Variants in HIPK1 observed in about 807,000 individuals in gnomAD.
The protein encoded by HIPK1 is homeodomain-interacting protein kinase 1.
In HIPK1, 28 loss-of-function variants were observed where a neutral mutation model predicts 117.1. That is an observed-to-expected ratio of 0.24 (90% CI 0.18 to 0.33). The LOEUF (loss-of-function observed/expected upper bound fraction) is 0.33. Among genes scored for constraint, HIPK1 ranks in the 10% least tolerant of loss-of-function variants. HIPK1 has a pLI of 1.00. For missense variants in HIPK1, 1,122 were observed against 1,475.1 expected (o/e 0.76, Z 3.92); for synonymous variants, 605 against 562.5 (o/e 1.08, Z -1.07).
chr1:113,947,894 T>A (rs1048532056), intron 2 of HIPK1, among the ~76,000 whole-genome samples: 1 of 152,190 alleles, frequency 6.6e-6, no homozygotes, highest in Non-Finnish European at 1.5e-5. Context: ...CTTCTGTAGA[T>A]AACCTTTTTT....
chr1:113,938,925 A>T (rs1425515968), intron 1 of HIPK1, among the ~76,000 whole-genome samples: 2 of 25,976 alleles, frequency 7.7e-5, no homozygotes, highest in African/African-American at 3.2e-4. Context: ...AAAAAAAAAA[A>T]AAATACACAC....
chr1:113,967,124 A>G (rs2101465282), intron 11 of HIPK1, among the ~76,000 whole-genome samples: 1 of 152,272 alleles, frequency 6.6e-6, no homozygotes, highest in African/African-American at 2.4e-5. Context: ...TTCTTTATCC[A>G]TTCATCTGTT....
In HIPK1 at chr1:113,952,905, T is replaced by G; in HGVS notation, c.1200+16T>G. 14 of 1,473,282 alleles carry G rather than the reference T, an allele frequency of 9.5e-6. No homozygotes were observed. Among genetic ancestry groups the G allele is most frequent in the African/African-American group, 1.4e-5 (1 of 69,110 alleles). 91.3% of individuals were successfully genotyped at this position (1,473,282 alleles called of 1,614,324 possible). On this transcript the variant is annotated intron_variant, in intron 3 of 15. Transcript: ENST00000426820. ...ATATGATCAGGTAAAAGTGTTTATT[T>G]GAATGGAAATAGAATGCAAATAGTT...
chr1:113,964,480 A>G (rs2101438914), intron 10 of HIPK1, among the ~76,000 whole-genome samples: 1 of 152,288 alleles, frequency 6.6e-6, no homozygotes, highest in South Asian at 2.1e-4. Context: ...TTTATTGGAT[A>G]TCCAGCATTT....
Position 113,946,121 on chromosome 1 carries a change from A to G in HIPK1, c.1076+4662A>G, listed in dbSNP as rs1670977039. Reference sequence around the variant, plus strand: ...GAATGTCATCTCCATTTATTTATTTATGCCTTGGGAGATTTAGGTTCCAAC... The same window carrying G: ...GAATGTCATCTCCATTTATTTATTTGTGCCTTGGGAGATTTAGGTTCCAAC... On this transcript the variant is annotated intron_variant, in intron 2 of 15. Transcript: ENST00000426820. Among the ~76,000 whole-genome samples, 4 of 152,156 alleles carry G rather than the reference A, an allele frequency of 2.6e-5. No individual in the cohort carries two copies. The South Asian group carries it at 8.3e-4, about 31-fold the overall frequency.
chr1:113,972,688 T>C (rs968836880), intron 15 of HIPK1, among the ~76,000 whole-genome samples: 4 of 152,142 alleles, frequency 2.6e-5, no homozygotes, highest in African/African-American at 9.7e-5. Flanking sequence ...AAATAAAGGC[T>C]AGGAAAAATT....
intron 3 of HIPK1, among the ~76,000 whole-genome samples, chr1:113,953,285 G>A (rs1346498687): frequency 6.6e-6 from 1 of 152,154 alleles, no homozygotes; most frequent in Non-Finnish European, 1.5e-5. Context: ...ATGACACACT[G>A]AAGTACTTTC....
Position 113,967,922 on chromosome 1 carries a change from T to A in HIPK1, c.2538T>A (p.Asn846Lys). 6.2e-7 allele frequency: 1 copy of A among 1,608,546 alleles called. No individual in the cohort carries two copies. Among genetic ancestry groups the A allele is most frequent in the Non-Finnish European group, 8.5e-7 (1 of 1,178,714 alleles). Reference protein sequence around the residue: ...QQSSSLPSKKNKQSAPVSSKS... With the variant: ...QQSSSLPSKKKKQSAPVSSKS... ...CCAGTTCCCTCCCTTCGAAGAAGAA[T>A]AAGCAGTCAGCTCCAGTCTCTTCCA... Residue 846 changes from asparagine (N) to lysine (K), a missense_variant, in exon 12 of 16, where the codon AAT (asparagine) becomes AAA (lysine). Physicochemically the swap from Asn to Lys is moderately conservative, Grantham distance 94 (BLOSUM62 0). Coordinates refer to ENST00000426820, the MANE Select transcript of HIPK1 (RefSeq NM_198268.3).
chr1:113,950,659 T>G (rs1243930112), intron 2 of HIPK1, among the ~76,000 whole-genome samples: 1 of 152,198 alleles, frequency 6.6e-6, no homozygotes, highest in East Asian at 1.9e-4. Flanking sequence ...CCCGCCACCA[T>G]GCCCAGCTAA....
chr1:113,959,901 G>A (rs916921241), intron 8 of HIPK1, among the ~76,000 whole-genome samples: 21 of 152,184 alleles, frequency 1.4e-4, no homozygotes, highest in African/African-American at 4.6e-4. Flanking sequence ...ATTCTAGGAG[G>A]TAGGGTAATG....
In HIPK1 at chr1:113,941,510, T is replaced by G. The variant is rs1448054111; in HGVS notation, c.1076+51T>G. 2 of 1,347,640 alleles carry G rather than the reference T, an allele frequency of 1.5e-6. No homozygotes were observed. Among genetic ancestry groups the G allele is most frequent in the Non-Finnish European group, 2.1e-6 (2 of 961,912 alleles). 83.5% of individuals were successfully genotyped at this position (1,347,640 alleles called of 1,614,324 possible). Reference sequence around the variant, plus strand: ...ATCTTAGGCTAGAGTTCTGTCCTTATATTTAACATATACCCCGTAGGCTAC... The same window carrying G: ...ATCTTAGGCTAGAGTTCTGTCCTTAGATTTAACATATACCCCGTAGGCTAC... On this transcript the variant is annotated intron_variant, in intron 2 of 15. Transcript: ENST00000426820. The surrounding 1 kb of genome is among the most constrained non-coding windows in gnomAD (Gnocchi z 4.9).
At chr1:113,953,547 T>C (rs2101308140) in intron 3 of HIPK1, among the ~76,000 whole-genome samples, 1 of 152,338 alleles carries the variant, frequency 6.6e-6, no homozygotes, top group Middle Eastern at 3.4e-3. Flanking sequence ...AGATGGAGTC[T>C]TGCTCTGTCA....
Position 113,970,186 on chromosome 1 carries a change from C to G in HIPK1, c.3002C>G (p.Thr1001Ser). The change falls in exon 14 of 16, where the codon ACC (threonine) becomes AGC (serine). Residue 1001 changes from threonine to serine, a missense_variant. Thr to Ser is a moderately conservative substitution (Grantham distance 58, BLOSUM62 1). This residue lies in a region of HIPK1 where 731 missense variants were observed against 860.4 expected (regional missense o/e 0.85). Transcript: ENST00000426820. ...KTQLGDCTVA[T>S]QASGLLSNKT... ...CAGCTTGGTGACTGCACTGTAGCAA[C>G]CCAGGCCTCAGGTCAGTGTTATCTT... 1 of 1,614,186 alleles carries G rather than the reference C, an allele frequency of 6.2e-7. No homozygotes were observed. The highest frequency in any genetic ancestry group is 8.5e-7 in the Non-Finnish European group (1 of 1,180,020).
chr1:113,952,504 T>A (rs1333630139), intron 2 of HIPK1, among the ~76,000 whole-genome samples: 1 of 152,180 alleles, frequency 6.6e-6, no homozygotes, highest in Non-Finnish European at 1.5e-5. Flanking sequence ...TTGATTATAG[T>A]GCACTGCCCT....
At chr1:113,944,615 C>T (rs563397769) in intron 2 of HIPK1, among the ~76,000 whole-genome samples, 1 of 151,444 alleles carries the variant, frequency 6.6e-6, no homozygotes, top group Non-Finnish European at 1.5e-5. Flanking sequence ...TCCTGAGTAG[C>T]TGGGAATACA....
chr1:113,972,164 C>A, intron 15 of HIPK1: 3 of 1,377,054 alleles, frequency 2.2e-6, no homozygotes, highest in Non-Finnish European at 2.9e-6. Context: ...CTAGGTTTTC[C>A]ATCAGACCTC....
intron 2 of HIPK1, among the ~76,000 whole-genome samples, chr1:113,944,048 T>C (rs1670819367): frequency 6.6e-6 from 1 of 151,486 alleles, no homozygotes; most frequent in Admixed American, 6.6e-5. Context: ...CAATCTGGTC[T>C]CAAACTACTG....
rs771037879 is a variant in HIPK1 at position 113,952,901 on chromosome 1, T to C, written c.1200+12T>C. The C allele has an allele frequency of 1.4e-5, 21 of 1,476,646 alleles. No homozygotes were observed. The South Asian group carries it at 2.6e-4, about 18-fold the overall frequency. The allele number at this position is 1,476,646 out of a possible 1,614,324, so 91.5% of individuals were successfully genotyped here. A position where few individuals can be genotyped will look rare whatever the true frequency, so the allele number is the denominator to read the frequency against. On this transcript the variant is annotated intron_variant, in intron 3 of 15. Transcript: ENST00000426820. Reference sequence around the variant, plus strand: ...CAGAATATGATCAGGTAAAAGTGTTTATTTGAATGGAAATAGAATGCAAAT... The same window carrying C: ...CAGAATATGATCAGGTAAAAGTGTTCATTTGAATGGAAATAGAATGCAAAT...
intron 2 of HIPK1, among the ~76,000 whole-genome samples, chr1:113,943,778 T>G (rs184278187): frequency 1.9e-3 from 291 of 152,334 alleles, no homozygotes; most frequent in Middle Eastern, 3.4e-3. Context: ...TCTCCACATT[T>G]TCTCTAACAT....
Sources: allele counts gnomAD v4.1 joint callset (sites outside exome capture counted in the v4.1 genomes callset), GRCh38; gene constraint gnomAD v4.1.1; regional missense constraint gnomAD v4.1.1; non-coding constraint Gnocchi (gnomAD v3.1); transcripts MANE v1.5; gene names NCBI Gene and HGNC (gene_info 2026-07-23, HGNC 2026-07-21).